The following PTPRG variants were observed in gnomAD, a reference collection of about 807,000 sequenced individuals.
PTPRG encodes the protein protein tyrosine phosphatase receptor type G, also known as receptor-type tyrosine-protein phosphatase gamma.
PTPRG carries 102 observed loss-of-function variants against 165.3 expected under a neutral mutation model. The observed-to-expected ratio is 0.62, with a 90% CI of 0.53 to 0.73. The LOEUF is 0.73. Ranked by LOEUF, PTPRG falls within the 30% of genes least tolerant of loss-of-function variation. The probability of loss-of-function intolerance (pLI) is 0.00; values close to 1 mark genes in which losing one functional copy is unlikely to be tolerated. For synonymous variants in PTPRG, 675 were observed against 669.5 expected (o/e 1.01, Z -0.13); for missense variants, 1,866 against 1,861.4 (o/e 1.00, Z -0.05).
intron 2 of PTPRG, among the ~76,000 whole-genome samples, chr3:61,866,969 A>C (rs1012312279): frequency 3.6e-4 from 55 of 152,092 alleles, no homozygotes; most frequent in Non-Finnish European, 6.5e-4. Flanking sequence ...CTAGAGCCTG[A>C]GTTCAGGGAA....
chr3:61,983,985 G>A (rs1224784617), intron 2 of PTPRG, among the ~76,000 whole-genome samples: 1 of 152,136 alleles, frequency 6.6e-6, no homozygotes, highest in Admixed American at 6.5e-5. Flanking sequence ...CTGCCTTAAA[G>A]AAACTGAGTA....
intron 15 of PTPRG, among the ~76,000 whole-genome samples, chr3:62,249,303 A>G (rs1402133117): frequency 6.6e-6 from 1 of 152,166 alleles, no homozygotes; most frequent in Non-Finnish European, 1.5e-5. Context: ...CTGAGAGGGC[A>G]GACAGGAGGG....
chr3:61,680,225 C>T (rs900369513), intron 1 of PTPRG, among the ~76,000 whole-genome samples: 2 of 152,114 alleles, frequency 1.3e-5, no homozygotes, highest in Non-Finnish European at 2.9e-5. Flanking sequence ...CCCTTTCACT[C>T]TCCAAAGAGT....
chr3:61,967,778 C>T (rs2040303087), intron 2 of PTPRG, among the ~76,000 whole-genome samples: 3 of 152,110 alleles, frequency 2.0e-5, no homozygotes, highest in African/African-American at 7.2e-5. Context: ...TGCAGTAAAA[C>T]ATTTTAAGTG....
At chr3:62,091,405 G>A (rs1701925115) in intron 5 of PTPRG, among the ~76,000 whole-genome samples, 1 of 152,204 alleles carries the variant, frequency 6.6e-6, no homozygotes, top group Non-Finnish European at 1.5e-5. Flanking sequence ...CACCTTGGAT[G>A]ATAAAAGAAA....
Position 62,099,793 on chromosome 3 carries a change from C to CTTTTTT in PTPRG, c.615+21553_615+21558dup, listed in dbSNP as rs759385441. On this transcript the variant is annotated intron_variant, in intron 5 of 29. Coordinates refer to ENST00000474889, the MANE Select transcript of PTPRG (RefSeq NM_002841.4). ...TAGTCATAGTACTTAAGTGTTAAAT[C>CTTTTTT]TTTTTTTTTTTTTTTTTTTTTTTGA... 3.1e-3 allele frequency among the ~76,000 whole-genome samples: 283 copies of CTTTTTT among 90,746 alleles called. 1 individual carries two copies. The highest frequency in any genetic ancestry group is 4.7e-3 in the East Asian group (14 of 2,962). 59.5% of individuals were successfully genotyped at this position (90,746 alleles called of 152,430 possible). A position where few individuals can be genotyped will look rare whatever the true frequency, so the allele number is the denominator to read the frequency against.
In PTPRG at chr3:62,195,142, C is replaced by A. The variant is rs763904315; in HGVS notation, c.1299C>A (p.Ser433Arg). ...VQAVCRNDMR[S>R]DFSQTMLFQA... ...CCGTGTGTCGGAACGACATGCGCAGCGACTTTAGCCAGACGATGCTGTTTC... is the reference window on the plus strand; with the variant it reads ...CCGTGTGTCGGAACGACATGCGCAGAGACTTTAGCCAGACGATGCTGTTTC... The change falls in exon 10 of 30, where the codon AGC becomes AGA. Residue 433 changes from serine to arginine, a missense_variant. Around this residue, in one of 3 missense-constraint regions of PTPRG, gnomAD observed 1,452 missense variants for 1,463.0 expected, o/e 0.99. Coordinates refer to ENST00000474889, the MANE Select transcript of PTPRG (RefSeq NM_002841.4). The surrounding 1 kb of genome is among the most constrained non-coding windows in gnomAD (Gnocchi z 4.4). 1.2e-6 allele frequency: 2 copies of A among 1,614,228 alleles called. No individual in the cohort carries two copies. Among genetic ancestry groups the A allele is most frequent in the Non-Finnish European group, 1.7e-6 (2 of 1,180,050 alleles).
intron 28 of PTPRG, among the ~76,000 whole-genome samples, chr3:62,283,790 A>G (rs147117879): frequency 6.6e-6 from 1 of 152,256 alleles, no homozygotes; most frequent in East Asian, 1.9e-4. Context: ...CCTTCACCTC[A>G]AATCATAGTA....
chr3:62,133,705 C>T (rs1306420137), intron 6 of PTPRG, among the ~76,000 whole-genome samples: 1 of 152,124 alleles, frequency 6.6e-6, no homozygotes, highest in Admixed American at 6.6e-5. Context: ...TATTTCTGGG[C>T]CAGGCATGGT....
At chr3:62,083,001 C>G (rs1360899526) in intron 5 of PTPRG, among the ~76,000 whole-genome samples, 1 of 151,984 alleles carries the variant, frequency 6.6e-6, no homozygotes, top group Non-Finnish European at 1.5e-5. Context: ...GTAAAGTTTG[C>G]TTTTAAAGGA....
At chr3:61,858,873 A>T (rs1281165592) in intron 2 of PTPRG, among the ~76,000 whole-genome samples, 9 of 152,228 alleles carry the variant, frequency 5.9e-5, no homozygotes, top group Admixed American at 5.9e-4. Flanking sequence ...CTAGTTTATT[A>T]CAAACTCCTT....
chr3:61,822,543 T>A (rs1056994669), intron 2 of PTPRG, among the ~76,000 whole-genome samples: 1 of 152,194 alleles, frequency 6.6e-6, no homozygotes, highest in African/African-American at 2.4e-5. Flanking sequence ...CTTTCTGTCC[T>A]CAGAGGGATC....
At chr3:61,903,659 C>G (rs945738069) in intron 2 of PTPRG, among the ~76,000 whole-genome samples, 1 of 152,202 alleles carries the variant, frequency 6.6e-6, no homozygotes, top group African/African-American at 2.4e-5. Context: ...ATTGCGTGAG[C>G]CACCGTGCCC....
chr3:61,834,826 T>C (rs1380730288), intron 2 of PTPRG, among the ~76,000 whole-genome samples: 2 of 138,838 alleles, frequency 1.4e-5, no homozygotes. Flanking sequence ...GAAAAAAACA[T>C]GAACATTTTG....
rs116373572 is a variant in PTPRG, at chr3:61,962,095, C to T, written c.191-27530C>T. On this transcript the variant is annotated intron_variant, in intron 2 of 29. Coordinates refer to ENST00000474889, the MANE Select transcript of PTPRG (RefSeq NM_002841.4). ...TTTAAGTACGTTGATTTCTCTTCTG[C>T]GTCAATATATCTGACACCTTAAGCT... Among the ~76,000 whole-genome samples, 364 of 152,210 alleles carry T rather than the reference C, an allele frequency of 2.4e-3. 1 individual carries two copies. Among genetic ancestry groups the T allele is most frequent in the African/African-American group, 8.4e-3 (349 of 41,520 alleles).
At chr3:61,742,623 C>T in intron 1 of PTPRG, 1 of 1,604,088 alleles carries the variant, frequency 6.2e-7, no homozygotes, top group Non-Finnish European at 8.5e-7. Flanking sequence ...CCAGACATAA[C>T]ACCTTCTTCA....
intron 14 of PTPRG, among the ~76,000 whole-genome samples, chr3:62,243,403 G>T (rs1157270021): frequency 1.3e-5 from 2 of 152,096 alleles, no homozygotes; most frequent in Non-Finnish European, 2.9e-5. Context: ...GTTGGAAGGG[G>T]ATATAAGGTG....
intron 2 of PTPRG, among the ~76,000 whole-genome samples, chr3:61,902,122 A>G (rs542741303): frequency 1.3e-5 from 2 of 152,310 alleles, no homozygotes; most frequent in East Asian, 3.9e-4. Flanking sequence ...TGTCCTTCTC[A>G]CCATGGGGTG....
At chr3:61,742,604 C>T in intron 1 of PTPRG, 2 of 1,601,064 alleles carry the variant, frequency 1.2e-6, no homozygotes, top group South Asian at 1.1e-5. Context: ...ACGTGACCAA[C>T]AGCTACAGCC....
Sources: allele counts gnomAD v4.1 joint callset (sites outside exome capture counted in the v4.1 genomes callset), GRCh38; gene constraint gnomAD v4.1.1; regional missense constraint gnomAD v4.1.1; non-coding constraint Gnocchi (gnomAD v3.1); transcripts MANE v1.5; gene names NCBI Gene and HGNC (gene_info 2026-07-23, HGNC 2026-07-21).